MED13L: variants seen among roughly 807,000 people sequenced by gnomAD.
The protein encoded by MED13L is mediator complex subunit 13L.
Under a neutral mutation model 220.9 loss-of-function variants are expected in MED13L, and 7 were observed. That is an observed-to-expected ratio of 0.03 (90% confidence interval 0.02 to 0.06). The LOEUF (loss-of-function observed/expected upper bound fraction) is 0.06. Among genes scored for constraint, MED13L ranks in the 10% least tolerant of loss-of-function variants. MED13L has a pLI of 1.00. For missense variants in MED13L, 1,965 were observed against 2,760.5 expected (o/e 0.71, Z 6.46); for synonymous variants, 1,011 against 1,015.2 (o/e 1.00, Z 0.08).
At chr12:116,016,564 A>G (rs1879737744) in intron 7 of MED13L, among the ~76,000 whole-genome samples, 1 of 152,226 alleles carries the variant, frequency 6.6e-6, no homozygotes, top group Non-Finnish European at 1.5e-5. Flanking sequence ...ATCCTATGAT[A>G]TAGCTAAAGA....
intron 4 of MED13L, among the ~76,000 whole-genome samples, chr12:116,054,193 TACAC>T (rs529817189): frequency 1.1e-3 from 161 of 148,198 alleles, no homozygotes; most frequent in South Asian, 4.7e-3. Context: ...TAACAACTAT[TACAC>T]ACACACACAC....
intron 4 of MED13L, among the ~76,000 whole-genome samples, chr12:116,073,170 T>G (rs1870515581): frequency 6.6e-6 from 1 of 152,220 alleles, no homozygotes. Context: ...TGCCTAATTC[T>G]TCCATGGGTA....
intron 2 of MED13L, among the ~76,000 whole-genome samples, chr12:116,129,146 C>G (rs1875851433): frequency 1.3e-5 from 2 of 152,106 alleles, no homozygotes; most frequent in Non-Finnish European, 2.9e-5. Flanking sequence ...TAAAGTATAA[C>G]TCAAGGCTGG....
intron 2 of MED13L, among the ~76,000 whole-genome samples, chr12:116,135,001 CT>C (rs1211203356): frequency 6.6e-6 from 1 of 152,062 alleles, no homozygotes; most frequent in Non-Finnish European, 1.5e-5. Flanking sequence ...AACCCTGCCG[CT>C]ACTAAAAATA....
chr12:115,983,528 G>C lies in MED13L; in HGVS notation c.4544C>G (p.Ala1515Gly), dbSNP rs753656258. Reference protein sequence around the residue: ...VCRHHLAPYLATLQLDSSLLI... With the variant: ...VCRHHLAPYLGTLQLDSSLLI... The stretch of plus-strand genomic sequence containing the variant: ...TAGGCTGCTATCAAGCTGCAGAGTG[G>C]CTAAATAAGGTGCTGAAAGAATACA... Residue 1515 changes from alanine to glycine, a missense_variant, in exon 21 of 31, where the codon GCC becomes GGC. Ala to Gly is a moderately conservative substitution (Grantham distance 60). Transcript: ENST00000281928. The C allele has an allele frequency of 3.1e-6, 5 of 1,613,966 alleles. No individual in the cohort carries two copies. In the African/African-American group the frequency reaches 6.7e-5, roughly 22 times the overall value.
Position 115,991,307 on chromosome 12 carries a change from T to C in MED13L, c.3647A>G (p.Lys1216Arg), listed in dbSNP as rs147606548. Residue 1216 changes from lysine (K) to arginine (R), a missense_variant, in exon 17 of 31, where the codon AAA (lysine) becomes AGA (arginine). Physicochemically the swap from Lys to Arg is conservative, Grantham distance 26. This residue lies in a region of MED13L where 165 missense variants were observed against 190.8 expected (regional missense o/e 0.86). Coordinates refer to ENST00000281928, the MANE Select transcript of MED13L (RefSeq NM_015335.5). The surrounding 1 kb of genome is among the most constrained non-coding windows in gnomAD (Gnocchi z 7.7). ...STFLPQVEGT[K>R]KPQEPPISLL... Reference sequence around the variant, plus strand: ...GCTTATGGGTGGCTCCTGGGGTTTTTTGGTTCCTTCCACCTGAGGAAGGAA... The same window carrying C: ...GCTTATGGGTGGCTCCTGGGGTTTTCTGGTTCCTTCCACCTGAGGAAGGAA... 5.0e-6 allele frequency: 8 copies of C among 1,614,054 alleles called. No homozygotes were observed. Among genetic ancestry groups the C allele is most frequent in the East Asian group, 4.5e-5 (2 of 44,872 alleles).
intron 2 of MED13L, chr12:116,174,938 T>C (rs1367795200): frequency 2.0e-5 from 3 of 152,466 alleles, no homozygotes; most frequent in South Asian, 2.1e-4. Flanking sequence ...GGAGCAGCGA[T>C]GCGAGCCTGC....
Position 116,276,620 on chromosome 12 carries a change from C to T in MED13L, c.72+440G>A, listed in dbSNP as rs117150772. The T allele has an allele frequency of 1.5e-3, 1,816 of 1,195,610 alleles. 21 individuals are homozygous for T. The East Asian group carries it at 0.041, about 27-fold the overall frequency. 74.1% of individuals were successfully genotyped at this position (1,195,610 alleles called of 1,614,324 possible). A position where few individuals can be genotyped will look rare whatever the true frequency, so the allele number is the denominator to read the frequency against. On this transcript the variant is annotated intron_variant, in intron 1 of 30. Transcript: ENST00000281928. The stretch of plus-strand genomic sequence containing the variant: ...ATGGAATTTAAAAAAATTCAAAAGG[C>T]AGGCGGGCGGGCAGGCAGCTGATCC...
intron 2 of MED13L, among the ~76,000 whole-genome samples, chr12:116,181,584 C>T (rs755522140): frequency 1.2e-4 from 18 of 152,056 alleles, no homozygotes; most frequent in Non-Finnish European, 1.5e-4. Flanking sequence ...CTCGGCTCAC[C>T]GCAACCTCCA....
At chr12:116,258,705 A>G (rs1051379496) in intron 1 of MED13L, among the ~76,000 whole-genome samples, 1 of 148,858 alleles carries the variant, frequency 6.7e-6, no homozygotes, top group African/African-American at 2.5e-5. Flanking sequence ...TGAACCCGGG[A>G]GGCAGAGGTT....
At chr12:116,106,041 A>G (rs1400981765) in intron 3 of MED13L, among the ~76,000 whole-genome samples, 1 of 152,210 alleles carries the variant, frequency 6.6e-6, no homozygotes, top group Non-Finnish European at 1.5e-5. Flanking sequence ...CCCTGCCAAC[A>G]TGAGTTGTGG....
At chr12:116,084,769 G>A (rs1871499598) in intron 4 of MED13L, among the ~76,000 whole-genome samples, 1 of 147,812 alleles carries the variant, frequency 6.8e-6, no homozygotes, top group South Asian at 2.1e-4. Flanking sequence ...GCAGGACCCT[G>A]TCGCCAAAAA....
chr12:116,109,060 C>CTTTT (rs751600660), intron 3 of MED13L, among the ~76,000 whole-genome samples: 10 of 97,080 alleles, frequency 1.0e-4, no homozygotes, highest in Non-Finnish European at 1.6e-4. Context: ...AATTAATTTC[C>CTTTT]TTTTTTTTTT....
At chr12:116,137,942 C>T (rs1469587032) in intron 2 of MED13L, among the ~76,000 whole-genome samples, 9 of 149,836 alleles carry the variant, frequency 6.0e-5, no homozygotes, top group South Asian at 2.1e-4. Flanking sequence ...CTGCAACCTC[C>T]GCCTCCCAGG....
chr12:116,085,948 G>C (rs1871640904), intron 4 of MED13L, among the ~76,000 whole-genome samples: 1 of 152,150 alleles, frequency 6.6e-6, no homozygotes, highest in Non-Finnish European at 1.5e-5. Flanking sequence ...GAAAGAATAT[G>C]AACAATGAGA....
chr12:115,993,350 T>C (rs963872243), intron 16 of MED13L, among the ~76,000 whole-genome samples: 4 of 152,188 alleles, frequency 2.6e-5, no homozygotes, highest in African/African-American at 9.6e-5. Context: ...ATATTAATAC[T>C]GTACTTAAAC....
chr12:116,233,189 T>C (rs1010267171), intron 2 of MED13L, among the ~76,000 whole-genome samples: 2 of 151,440 alleles, frequency 1.3e-5, no homozygotes, highest in Non-Finnish European at 2.9e-5. Context: ...AATTAAAATG[T>C]AGAATTTAGT....
chr12:116,201,992 G>T (rs1394258441), intron 2 of MED13L, among the ~76,000 whole-genome samples: 1 of 152,066 alleles, frequency 6.6e-6, no homozygotes, highest in Non-Finnish European at 1.5e-5. Context: ...AAAGTTTTAG[G>T]AAACTAAACT....
At chr12:116,091,348 T>C (rs1475772386) in intron 4 of MED13L, among the ~76,000 whole-genome samples, 2 of 152,074 alleles carry the variant, frequency 1.3e-5, no homozygotes, top group Non-Finnish European at 2.9e-5. Flanking sequence ...CTAACAGTCA[T>C]AACTTCTTTT....
Sources: allele counts gnomAD v4.1 joint callset (sites outside exome capture counted in the v4.1 genomes callset), GRCh38; gene constraint gnomAD v4.1.1; regional missense constraint gnomAD v4.1.1; non-coding constraint Gnocchi (gnomAD v3.1); transcripts MANE v1.5; gene names NCBI Gene and HGNC (gene_info 2026-07-23, HGNC 2026-07-21).